RABGAP1L: variants seen among roughly 807,000 people sequenced by gnomAD.
The protein encoded by RABGAP1L is RAB GTPase activating protein 1 like.
RABGAP1L carries 63 observed loss-of-function variants against 137.7 expected under a neutral mutation model. The observed-to-expected ratio is 0.46, with a 90% CI of 0.37 to 0.56. The LOEUF (loss-of-function observed/expected upper bound fraction) is 0.56. RABGAP1L is among the 20% of genes least tolerant of loss of function. The probability of loss-of-function intolerance (pLI) is 0.00; values close to 1 mark genes in which losing one functional copy is unlikely to be tolerated. For missense variants in RABGAP1L, 1,095 were observed against 1,244.0 expected (o/e 0.88, Z 1.80); for synonymous variants, 431 against 433.7 (o/e 0.99, Z 0.08).
intron 17 of RABGAP1L, among the ~76,000 whole-genome samples, chr1:174,731,859 T>C (rs1682503222): frequency 6.6e-6 from 1 of 152,242 alleles, no homozygotes; most frequent in South Asian, 2.1e-4. Context: ...TCTGTTCTTA[T>C]TTTAAAATCA....
intron 17 of RABGAP1L, among the ~76,000 whole-genome samples, chr1:174,706,940 A>G (rs575361608): frequency 2.0e-5 from 3 of 152,134 alleles, no homozygotes; most frequent in East Asian, 1.9e-4. Flanking sequence ...CTCCCATTCT[A>G]TTGTTGACGG....
intron 18 of RABGAP1L, among the ~76,000 whole-genome samples, chr1:174,782,042 G>A (rs9700904): frequency 0.42 from 63,794 of 152,024 alleles, 15,515 homozygotes; most frequent in Non-Finnish European, 0.54. Flanking sequence ...TTGACTTGGC[G>A]ATGCGGGCTC....
In RABGAP1L at chr1:174,992,476, T is replaced by A. The variant is rs192983473; in HGVS notation, c.*2475T>A. 1 of 152,182 alleles carries A rather than the reference T, an allele frequency of 6.6e-6. No homozygotes were observed. Among genetic ancestry groups the A allele is most frequent in the Non-Finnish European group, 1.5e-5 (1 of 68,006 alleles). 9.4% of individuals were successfully genotyped at this position (152,182 alleles called of 1,614,324 possible). On this transcript the variant is annotated 3_prime_UTR_variant, in exon 26 of 26. Coordinates refer to ENST00000681986, the MANE Select transcript of RABGAP1L (RefSeq NM_001366446.1). ...TCACCAGGTACATACCTCTCAAGTT[T>A]GATAAGTCCATCTTTTGAGTTTTCT...
intron 18 of RABGAP1L, among the ~76,000 whole-genome samples, chr1:174,769,010 G>T (rs993086992): frequency 6.6e-6 from 1 of 151,960 alleles, no homozygotes; most frequent in Non-Finnish European, 1.5e-5. Context: ...TTCATTTCTG[G>T]ATTACTACTG....
At chr1:174,327,982 C>CGTATATATAT (rs1558136076) in intron 11 of RABGAP1L, among the ~76,000 whole-genome samples, 5 of 24,746 alleles carry the variant, frequency 2.0e-4, no homozygotes, top group African/African-American at 6.0e-4. Flanking sequence ...TATATATACA[C>CGTATATATAT]ACACATATAT....
intron 11 of RABGAP1L, among the ~76,000 whole-genome samples, chr1:174,359,925 C>T (rs778679222): frequency 3.9e-5 from 6 of 152,152 alleles, no homozygotes; most frequent in Non-Finnish European, 2.9e-5. Context: ...TCATAAGTGC[C>T]TGGGGTTCCC....
intron 13 of RABGAP1L, among the ~76,000 whole-genome samples, chr1:174,623,299 A>G (rs767471251): frequency 4.6e-5 from 7 of 152,184 alleles, no homozygotes; most frequent in Non-Finnish European, 8.8e-5. Context: ...TTTGATGGCC[A>G]ATTTGTGGAG....
At position 174,219,076 on chromosome 1, in the gene RABGAP1L, A is replaced by T. The variant is rs77087504; in HGVS notation, c.-33-49A>T. 1.5e-3 allele frequency: 1,944 copies of T among 1,332,530 alleles called. 32 individuals are homozygous for T. In the East Asian group the frequency reaches 0.035, roughly 24 times the overall value. 82.5% of individuals were successfully genotyped at this position (1,332,530 alleles called of 1,614,324 possible). On this transcript the variant is annotated intron_variant, in intron 1 of 25. Coordinates refer to ENST00000681986, the MANE Select transcript of RABGAP1L (RefSeq NM_001366446.1). ...ATTAGTTCATGTTTTTAATTAGTTC[A>T]TGTTTTTAATCAGTAGGTTTTTTTT... is the stretch of plus-strand genomic sequence containing the variant.
At chr1:174,886,814 T>C (rs1221836210) in intron 19 of RABGAP1L, among the ~76,000 whole-genome samples, 1 of 151,388 alleles carries the variant, frequency 6.6e-6, no homozygotes. Context: ...ATTTAATTCT[T>C]TTTTTTTTCT....
chr1:174,623,513 A>T (rs1328701055), intron 13 of RABGAP1L, among the ~76,000 whole-genome samples: 4 of 152,198 alleles, frequency 2.6e-5, no homozygotes, highest in African/African-American at 4.8e-5. Flanking sequence ...AAGGGAAGAA[A>T]CACAAAGGGT....
chr1:174,236,911 T>C (rs2148531608), intron 4 of RABGAP1L, among the ~76,000 whole-genome samples: 1 of 94,728 alleles, frequency 1.1e-5, no homozygotes, highest in South Asian at 4.5e-4. Flanking sequence ...TCTAAGTCTC[T>C]TTGTAGGTCA....
In RABGAP1L at chr1:174,636,502, C is replaced by T. The variant is rs566774242; in HGVS notation, c.1711-873C>T. Among the ~76,000 whole-genome samples, 31 of 148,722 alleles carry T rather than the reference C, an allele frequency of 2.1e-4. No homozygotes were observed. The South Asian group carries it at 3.9e-3, about 19-fold the overall frequency. Reference sequence around the variant, plus strand: ...AAGATCGTGCCATTGTACTCCAGCCCGGGCAACAGTGTGAGACTCTACTTC... The same window carrying T: ...AAGATCGTGCCATTGTACTCCAGCCTGGGCAACAGTGTGAGACTCTACTTC... On this transcript the variant is annotated intron_variant, in intron 13 of 25. Coordinates refer to ENST00000681986, the MANE Select transcript of RABGAP1L (RefSeq NM_001366446.1).
At chr1:174,429,230 T>G (rs1045806125) in intron 13 of RABGAP1L, among the ~76,000 whole-genome samples, 19 of 152,230 alleles carry the variant, frequency 1.2e-4, no homozygotes, top group African/African-American at 4.3e-4. Context: ...AAAATAATAG[T>G]GGCCATCACT....
chr1:174,210,397 T>A (rs936674803), intron 1 of RABGAP1L, among the ~76,000 whole-genome samples: 8 of 152,132 alleles, frequency 5.3e-5, no homozygotes. Flanking sequence ...ATTTAAATAA[T>A]TAAAAAGAAT....
intron 13 of RABGAP1L, among the ~76,000 whole-genome samples, chr1:174,634,390 GC>G (rs1673743361): frequency 1.1e-5 from 1 of 87,658 alleles, no homozygotes; most frequent in Non-Finnish European, 2.0e-5. Context: ...AACAACAGGT[GC>G]TGGAGAGGAT....
intron 14 of RABGAP1L, among the ~76,000 whole-genome samples, chr1:174,672,136 T>G (rs1361472738): frequency 6.6e-6 from 1 of 152,118 alleles, no homozygotes; most frequent in Non-Finnish European, 1.5e-5. Context: ...AATAATTTCT[T>G]ATGATCCTTT....
At chr1:174,956,375 T>C (rs1479094240) in intron 19 of RABGAP1L, among the ~76,000 whole-genome samples, 1 of 152,174 alleles carries the variant, frequency 6.6e-6, no homozygotes, top group Non-Finnish European at 1.5e-5. Flanking sequence ...AGGTTAAATA[T>C]CTGTTTACTG....
rs185507170 is a variant in RABGAP1L, at chr1:174,896,390, G to T, written c.2341-61067G>T. On this transcript the variant is annotated intron_variant, in intron 19 of 25. Transcript: ENST00000681986. ...AAAATTTTCTCCCATTCTGTGGGTTGCCTATTCACTCTGATGATAGTTTCT... is the reference window on the plus strand; with the variant it reads ...AAAATTTTCTCCCATTCTGTGGGTTTCCTATTCACTCTGATGATAGTTTCT... Among the ~76,000 whole-genome samples, 104 of 152,228 alleles carry T rather than the reference G, an allele frequency of 6.8e-4. 1 individual carries two copies. The highest frequency in any genetic ancestry group is 2.3e-3 in the African/African-American group (96 of 41,548).
chr1:174,575,147 C>T (rs1008216206), intron 13 of RABGAP1L, among the ~76,000 whole-genome samples: 7 of 152,114 alleles, frequency 4.6e-5, no homozygotes, highest in Non-Finnish European at 7.4e-5. Flanking sequence ...TCAGGCTGGT[C>T]GCGAACTCCC....
Sources: gnomAD v4.1 joint callset for allele counts (sites outside exome capture counted in the v4.1 genomes callset) on GRCh38, gnomAD v4.1.1 for gene constraint, MANE v1.5 for transcripts, NCBI Gene and HGNC (gene_info 2026-07-23, HGNC 2026-07-21) for gene names.